Variants in NMNAT3 observed in about 807,000 individuals in gnomAD.
NMNAT3 encodes nicotinamide nucleotide adenylyltransferase 3.
Under a neutral mutation model 24.8 loss-of-function variants are expected in NMNAT3, and 21 were observed. That is an observed-to-expected ratio of 0.85 (90% CI 0.60 to 1.22). The LOEUF (loss-of-function observed/expected upper bound fraction) is 1.22, where lower values mean the gene tolerates loss of function less well. Among genes scored for constraint, NMNAT3 ranks in the 50% most tolerant of loss-of-function variants. The pLI, the probability that NMNAT3 is intolerant of heterozygous loss-of-function variation, is 0.00. For missense variants in NMNAT3, 387 were observed against 436.6 expected (o/e 0.89, Z 1.01); for synonymous variants, 136 against 155.2 (o/e 0.88, Z 0.92).
Position 139,573,238 on chromosome 3 carries a change from G to A in NMNAT3, c.658+360C>T, listed in dbSNP as rs547906416. On this transcript the variant is annotated intron_variant, in intron 6 of 6. Coordinates refer to ENST00000643695, the MANE Select transcript of NMNAT3 (RefSeq NM_001320510.2). ...GTCTCTTTGTTCAAGTTTTATAATG[G>A]CATATTTTACATTCAAAAAGGCTAA... 7.6e-4 allele frequency among the ~76,000 whole-genome samples: 116 copies of A among 152,140 alleles called. 1 individual carries two copies. In the South Asian group the frequency reaches 0.023, roughly 31 times the overall value.
intron 3 of NMNAT3, among the ~76,000 whole-genome samples, chr3:139,604,159 C>T (rs2054836349): frequency 6.6e-6 from 1 of 152,214 alleles, no homozygotes; most frequent in South Asian, 2.1e-4. Context: ...TTCATTTCTG[C>T]CTTCATAAAT....
intron 3 of NMNAT3, among the ~76,000 whole-genome samples, chr3:139,611,407 G>C (rs1351789206): frequency 2.6e-5 from 4 of 152,096 alleles, no homozygotes; most frequent in African/African-American, 9.7e-5. Flanking sequence ...TGTATGATGA[G>C]GATATATTAT....
chr3:139,589,603 CA>C (rs1252666498), intron 3 of NMNAT3, among the ~76,000 whole-genome samples: 1 of 152,286 alleles, frequency 6.6e-6, no homozygotes, highest in East Asian at 1.9e-4. Flanking sequence ...TCAATTAGAA[CA>C]GGTGTCAGCA....
At chr3:139,562,118 C>A (rs1936489202) in intron 6 of NMNAT3, among the ~76,000 whole-genome samples, 1 of 147,354 alleles carries the variant, frequency 6.8e-6, no homozygotes, top group Non-Finnish European at 1.5e-5. Context: ...CCATATGCAC[C>A]CCAGAACAAT....
At chr3:139,673,323 C>CTA (rs747448887) in intron 1 of NMNAT3, among the ~76,000 whole-genome samples, 2 of 152,150 alleles carry the variant, frequency 1.3e-5, no homozygotes, top group Non-Finnish European at 2.9e-5. Context: ...GCTCTGGAAA[C>CTA]TATAAAGGGG....
rs1053501629 is a variant in NMNAT3 at position 139,618,680 on chromosome 3, G to T, written c.109+8936C>A. On this transcript the variant is annotated intron_variant, in intron 3 of 6. Transcript: ENST00000643695. ...TTACTTTTCTTAATGAAAAAAGAAA[G>T]CTTGGGACCAAAGTTTCATTCAGAC... is the stretch of plus-strand genomic sequence containing the variant. 3.3e-5 allele frequency among the ~76,000 whole-genome samples: 5 copies of T among 152,302 alleles called. No homozygotes were observed. In the East Asian group the frequency reaches 5.8e-4, roughly 18 times the overall value.
chr3:139,597,940 A>G (rs139151172), intron 3 of NMNAT3, among the ~76,000 whole-genome samples: 32 of 152,366 alleles, frequency 2.1e-4, no homozygotes, highest in African/African-American at 7.0e-4. Context: ...AAGATCTGTG[A>G]TCAAGAAATA....
At chr3:139,567,200 C>T (rs1205235405) in intron 6 of NMNAT3, 3 of 152,074 alleles carry the variant, frequency 2.0e-5, no homozygotes, top group Admixed American at 6.5e-5. Context: ...GATTTTTGTA[C>T]ATTGATTTTG....
At chr3:139,648,161 G>A (rs1344405333) in intron 1 of NMNAT3, among the ~76,000 whole-genome samples, 6 of 152,182 alleles carry the variant, frequency 3.9e-5, no homozygotes, top group African/African-American at 1.4e-4. Flanking sequence ...CCTTGTGATA[G>A]TGGGAGAGTT....
chr3:139,605,885 T>C (rs1256469501), intron 3 of NMNAT3, among the ~76,000 whole-genome samples: 3 of 147,776 alleles, frequency 2.0e-5, no homozygotes, highest in African/African-American at 7.5e-5. Context: ...CATGCACATA[T>C]AACATTACTA....
chr3:139,613,296 C>A (rs2055319277), intron 3 of NMNAT3, among the ~76,000 whole-genome samples: 1 of 152,128 alleles, frequency 6.6e-6, no homozygotes, highest in South Asian at 2.1e-4. Flanking sequence ...AAGAAAAAAT[C>A]AAACAACCCC....
intron 1 of NMNAT3, among the ~76,000 whole-genome samples, chr3:139,657,687 C>T (rs966844052): frequency 1.3e-5 from 2 of 151,326 alleles, no homozygotes; most frequent in Admixed American, 6.6e-5. Flanking sequence ...GGGTGAGGGT[C>T]GGTGACAGGA....
chr3:139,628,465 A>C (rs1449602778), intron 2 of NMNAT3, among the ~76,000 whole-genome samples: 1 of 152,244 alleles, frequency 6.6e-6, no homozygotes, highest in Non-Finnish European at 1.5e-5. Flanking sequence ...ACTTTGTTAC[A>C]TAACTGCAGA....
At chr3:139,621,715 C>T (rs1286809631) in intron 3 of NMNAT3, among the ~76,000 whole-genome samples, 1 of 152,070 alleles carries the variant, frequency 6.6e-6, no homozygotes, top group African/African-American at 2.4e-5. Context: ...TACCTTTTAA[C>T]CTAGTTCTCT....
At chr3:139,582,736 A>G (rs2053718107) in intron 4 of NMNAT3, among the ~76,000 whole-genome samples, 1 of 151,054 alleles carries the variant, frequency 6.6e-6, no homozygotes, top group South Asian at 2.1e-4. Context: ...CAATTGGTCA[A>G]CAAAAAATAT....
chr3:139,615,869 G>C (rs371232993), intron 3 of NMNAT3, among the ~76,000 whole-genome samples: 1 of 2,724 alleles, frequency 3.7e-4, no homozygotes, highest in Non-Finnish European at 0.018. Context: ...CTAGCTTCTT[G>C]TGTGGGAAAT....
chr3:139,655,506 C>T (rs1559959934), intron 1 of NMNAT3, among the ~76,000 whole-genome samples: 1 of 152,226 alleles, frequency 6.6e-6, no homozygotes, highest in Non-Finnish European at 1.5e-5. Context: ...CAATTGCATT[C>T]TAATTTCAAG....
chr3:139,566,973 T>C (rs1032850570), intron 6 of NMNAT3: 2 of 152,148 alleles, frequency 1.3e-5, no homozygotes, highest in African/African-American at 4.8e-5. Flanking sequence ...ATTTTCATGA[T>C]ATTGATTCTT....
intron 3 of NMNAT3, among the ~76,000 whole-genome samples, chr3:139,591,878 G>A (rs369451827): frequency 2.0e-5 from 3 of 152,222 alleles, no homozygotes; most frequent in Admixed American, 1.3e-4. Flanking sequence ...AAAAAACAGA[G>A]CAGAAAAACT....
Sources: allele counts gnomAD v4.1 joint callset (sites outside exome capture counted in the v4.1 genomes callset), GRCh38; gene constraint gnomAD v4.1.1; transcripts MANE v1.5; gene names NCBI Gene and HGNC (gene_info 2026-07-23, HGNC 2026-07-21).